C22orf15: variants seen among roughly 807,000 people sequenced by gnomAD.
C22orf15 encodes uncharacterized protein C22orf15.
Under a neutral mutation model 20.3 loss-of-function variants are expected in C22orf15, and 21 were observed. The observed-to-expected ratio is 1.04, with a 90% CI of 0.74 to 1.49. The LOEUF (loss-of-function observed/expected upper bound fraction) is 1.49, where lower values mean the gene tolerates loss of function less well. C22orf15 is among the 40% of genes most tolerant of loss of function. The pLI is 0.00. For synonymous variants in C22orf15, 78 were observed against 75.4 expected (o/e 1.03, Z -0.18); for missense variants, 170 against 191.1 (o/e 0.89, Z 0.65).
chr22:23,764,448 G>GGGGGCATAGCAGACCATAGACCACCCAA, intron 3 of C22orf15, 51 bp downstream of exon 3: 2 of 1,606,164 alleles, frequency 1.2e-6, no homozygotes, highest in Non-Finnish European at 1.7e-6. Flanking sequence ...AATGTAAGAG[G>GGGGGCATAGCAGACCATAGACCACCCAA]GGGGCATAGC....
intron 5 of C22orf15, 67 bp from the exon 6 acceptor site, chr22:23,765,652 ACT>A: frequency 2.0e-6 from 3 of 1,519,324 alleles, no homozygotes; most frequent in Non-Finnish European, 2.7e-6. Context: ...CTCACTCTGG[ACT>A]GCCCAAGGAA....
chr22:23,765,659 A>G lies in C22orf15; in HGVS notation c.436-62A>G, dbSNP rs898181130. 4 of 1,523,892 alleles carry G rather than the reference A, an allele frequency of 2.6e-6. No individual in the cohort carries two copies. The African/African-American group carries it at 4.1e-5, about 16-fold the overall frequency. 94.4% of individuals were successfully genotyped at this position (1,523,892 alleles called of 1,614,324 possible). A position where few individuals can be genotyped will look rare whatever the true frequency, so the allele number is the denominator to read the frequency against. ...CTCTCCACCTCACTCTGGACTGCCC[A>G]AGGAATCTGTCCTGTGCTACCCACA... is the stretch of plus-strand genomic sequence containing the variant. On this transcript the variant is annotated intron_variant, in intron 5 of 5. Coordinates refer to ENST00000402217, the MANE Select transcript of C22orf15 (RefSeq NM_182520.3).
chr22:23,764,536 G>C, intron 3 of C22orf15, 103 bp from the exon 4 acceptor site: 1 of 1,559,618 alleles, frequency 6.4e-7, no homozygotes, highest in Non-Finnish European at 8.8e-7. Flanking sequence ...CCTACCCAAT[G>C]CTCTGCTCCC....
chr22:23,763,341 G>T lies in C22orf15; in HGVS notation c.25+10G>T. 6.5e-7 allele frequency: 1 copy of T among 1,548,262 alleles called. No homozygotes were observed. The highest frequency in any genetic ancestry group is 1.4e-5 in the African/African-American group (1 of 72,950). On this transcript the variant is annotated intron_variant, in intron 1 of 5. Transcript: ENST00000402217. ...AAGGTGATGTTTGGGGGTAAGTGGGGTCCCCTGTCTTGGTAGGCGGATAGG... is the reference window on the plus strand; with the variant it reads ...AAGGTGATGTTTGGGGGTAAGTGGGTTCCCCTGTCTTGGTAGGCGGATAGG...
At position 23,763,087 on chromosome 22, in the gene C22orf15, C is replaced by A; in HGVS notation, c.-220C>A. 1.7e-6 allele frequency: 1 copy of A among 587,258 alleles called. No individual in the cohort carries two copies. The highest frequency in any genetic ancestry group is 2.9e-6 in the Non-Finnish European group (1 of 341,884). 36.4% of individuals were successfully genotyped at this position (587,258 alleles called of 1,614,324 possible). A position where few individuals can be genotyped will look rare whatever the true frequency, so the allele number is the denominator to read the frequency against. On this transcript the variant is annotated 5_prime_UTR_variant, in exon 1 of 6. Transcript: ENST00000402217. ...TGGGGAGGAAGAGGAGGCCAGGAGT[C>A]TTGGACTAGCTGCAGGGTTTGAGCT...
At chr22:23,765,576 G>C in intron 5 of C22orf15, 145 bp from the exon 6 acceptor site, 2 of 1,522,128 alleles carry the variant, frequency 1.3e-6, no homozygotes, top group Non-Finnish European at 1.8e-6. Context: ...GGAGACCATG[G>C]GTTCATCCTG....
At chr22:23,764,550 C>A (rs1222211610) in intron 3 of C22orf15, 89 bp from the exon 4 acceptor site, 1 of 1,566,170 alleles carries the variant, frequency 6.4e-7, no homozygotes, top group Non-Finnish European at 8.8e-7. Context: ...TGCTCCCAGC[C>A]TGGACTAGCA....
intron 1 of C22orf15, 117 bp downstream of exon 1, chr22:23,763,448 C>A: frequency 2.6e-6 from 3 of 1,163,684 alleles, no homozygotes; most frequent in Non-Finnish European, 3.5e-6. Context: ...GGGTGGTGCA[C>A]ATGGCGGGGG....
chr22:23,763,161 T>A lies in C22orf15; in HGVS notation c.-146T>A, dbSNP rs1029955903. The A allele has an allele frequency of 1.8e-6, 2 of 1,132,510 alleles. No individual in the cohort carries two copies. The highest frequency in any genetic ancestry group is 3.1e-5 in the African/African-American group (2 of 63,514). 70.2% of individuals were successfully genotyped at this position (1,132,510 alleles called of 1,614,324 possible). On this transcript the variant is annotated 5_prime_UTR_variant, in exon 1 of 6. Coordinates refer to ENST00000402217, the MANE Select transcript of C22orf15 (RefSeq NM_182520.3). ...AGGTGGCTGAGCAGGGGCCTGGCCC[T>A]GGGACCCAGCCATCCACACTCACAC...
At chr22:23,763,476 C>T in intron 1 of C22orf15, 145 bp downstream of exon 1, 1 of 967,958 alleles carries the variant, frequency 1.0e-6, no homozygotes, top group South Asian at 1.7e-5. Flanking sequence ...GGAAGCGGCT[C>T]TGTGAGGAGG....
intron 1 of C22orf15, 76 bp from the exon 2 acceptor site, chr22:23,764,011 G>T: frequency 7.2e-7 from 1 of 1,390,902 alleles, no homozygotes; most frequent in South Asian, 1.3e-5. Context: ...AGGGAGAGAT[G>T]GGAGGGAGAG....
In C22orf15 at chr22:23,763,000, G is replaced by A. The variant is rs948756664; in HGVS notation, c.-307G>A. 1.2e-5 allele frequency: 5 copies of A among 428,494 alleles called. No homozygotes were observed. The highest frequency in any genetic ancestry group is 4.8e-5 in the Admixed American group (1 of 20,872). The allele number at this position is 428,494 out of a possible 1,614,324, so 26.5% of individuals were successfully genotyped here. A position where few individuals can be genotyped will look rare whatever the true frequency, so the allele number is the denominator to read the frequency against. ...AGGCATTTCCTGCCTAGATGTCTCC[G>A]CCCCCACTGCCATGGAGACCAGCTT... On this transcript the variant is annotated 5_prime_UTR_variant, in exon 1 of 6. Transcript: ENST00000402217.
chr22:23,764,222 G>C, intron 2 of C22orf15, 38 bp from the exon 3 acceptor site: 1 of 1,551,484 alleles, frequency 6.4e-7, no homozygotes, highest in Non-Finnish European at 8.7e-7. Context: ...CCAGGCAGGG[G>C]TGCCAGCCCT....
rs1213400718 is a variant in C22orf15 at position 23,764,677 on chromosome 22, T to C, written c.289T>C (p.Leu97=). The change falls in exon 4 of 6, where the codon TTG becomes CTG. Residue 97 remains leucine, a synonymous_variant. Coordinates refer to ENST00000402217, the MANE Select transcript of C22orf15 (RefSeq NM_182520.3). ...DMASTRYESL[L]ENLDDHYPEL... is the part of the protein sequence containing the mutation. ...GGCCTCCACCCGCTATGAGTCCCTA[T>C]TGGAGAACCTGGATGACCATTACCC... 8 of 1,614,060 alleles carry C rather than the reference T, an allele frequency of 5.0e-6. No homozygotes were observed. The highest frequency in any genetic ancestry group is 2.7e-5 in the African/African-American group (2 of 74,926).
At chr22:23,764,564 A>G in intron 3 of C22orf15, 75 bp from the exon 4 acceptor site, 2 of 1,571,486 alleles carry the variant, frequency 1.3e-6, no homozygotes, top group Non-Finnish European at 1.8e-6. Flanking sequence ...ACTAGCAAAC[A>G]GTTCCAGAGT....
Position 23,764,303 on chromosome 22 carries a change from G to A in C22orf15, c.156G>A (p.Leu52=). 6.4e-7 allele frequency: 1 copy of A among 1,551,686 alleles called. No homozygotes were observed. The highest frequency in any genetic ancestry group is 8.7e-7 in the Non-Finnish European group (1 of 1,146,978). ...CTGAGGATGGCAACCTAGTGAGCCTGGAGGAGGACCTGAAGGAAGGGGCTT... is the reference window on the plus strand; with the variant it reads ...CTGAGGATGGCAACCTAGTGAGCCTAGAGGAGGACCTGAAGGAAGGGGCTT... ...LLAEDGNLVS[L]EEDLKEGASR... is the part of the protein sequence containing the mutation. The change falls in exon 3 of 6, where the codon CTG becomes CTA. Residue 52 remains leucine, a synonymous_variant. Transcript: ENST00000402217.
At chr22:23,764,579 G>A in intron 3 of C22orf15, 60 bp from the exon 4 acceptor site, 1 of 1,586,126 alleles carries the variant, frequency 6.3e-7, no homozygotes, top group Non-Finnish European at 8.7e-7. Flanking sequence ...CAGAGTGAGA[G>A]GCAGAGTAGG....
chr22:23,764,371 C>T lies in C22orf15; in HGVS notation c.224C>T (p.Ala75Val). Reference protein sequence around the residue: ...TMGNSLLKERAIYVLVRIIKG... With the variant: ...TMGNSLLKERVIYVLVRIIKG... ...GGCAACTCCCTACTGAAGGAGCGAG[C>T]CATATATGTCCTCGTTCGGATCATC... The change falls in exon 3 of 6, where the codon GCC (alanine) becomes GTC (valine). Residue 75 changes from alanine (A) to valine (V), a missense_variant. By Grantham distance (64) the Ala-to-Val change is moderately conservative. Coordinates refer to ENST00000402217, the MANE Select transcript of C22orf15 (RefSeq NM_182520.3). 3.9e-6 allele frequency: 6 copies of T among 1,553,204 alleles called. No homozygotes were observed. The highest frequency in any genetic ancestry group is 3.5e-6 in the Non-Finnish European group (4 of 1,147,822).
rs1926169927 is a variant in C22orf15 at position 23,763,974 on chromosome 22, C to G, written c.26-113C>G. On this transcript the variant is annotated intron_variant, in intron 1 of 5. Coordinates refer to ENST00000402217, the MANE Select transcript of C22orf15 (RefSeq NM_182520.3). ...GTTATGCCCGGGGCACAGTCTTAGC[C>G]CATAGGCCCAGTCGCAGCTCTGGGA... 4 of 1,023,648 alleles carry G rather than the reference C, an allele frequency of 3.9e-6. No homozygotes were observed. The South Asian group carries it at 5.8e-5, about 15-fold the overall frequency. 63.4% of individuals were successfully genotyped at this position (1,023,648 alleles called of 1,614,324 possible).
Sources: gnomAD v4.1 joint callset for allele counts on GRCh38, gnomAD v4.1.1 for gene constraint, MANE v1.5 for transcripts, NCBI Gene and HGNC (gene_info 2026-07-23, HGNC 2026-07-21) for gene names.